TAX1BP1: variants seen among roughly 807,000 people sequenced by gnomAD.
The protein encoded by TAX1BP1 is tax1-binding protein 1.
TAX1BP1 carries 62 observed loss-of-function variants against 97.7 expected under a neutral mutation model. That is an observed-to-expected ratio of 0.63 (90% CI 0.52 to 0.78). The LOEUF (loss-of-function observed/expected upper bound fraction) is 0.78, where lower values mean the gene tolerates loss of function less well. TAX1BP1 is among the 30% of genes least tolerant of loss of function. The pLI is 0.00. For missense variants in TAX1BP1, 867 were observed against 916.1 expected (o/e 0.95, Z 0.69); for synonymous variants, 340 against 304.2 (o/e 1.12, Z -1.23).
rs901955228 is a variant in TAX1BP1 at position 27,829,315 on chromosome 7, A to G, written c.*486A>G. ...AAAGTTCTATAATTTAGCCCATGAA[A>G]TGATAGGTTTTTAATTTTCAGAAAT... On this transcript the variant is annotated 3_prime_UTR_variant, in exon 17 of 17. Coordinates refer to ENST00000396319, the MANE Select transcript of TAX1BP1 (RefSeq NM_006024.7). 3 of 152,336 alleles carry G rather than the reference A, an allele frequency of 2.0e-5. No individual in the cohort carries two copies. Among genetic ancestry groups the G allele is most frequent in the African/African-American group, 7.2e-5 (3 of 41,474 alleles). 9.4% of individuals were successfully genotyped at this position (152,336 alleles called of 1,614,324 possible). A position where few individuals can be genotyped will look rare whatever the true frequency, so the allele number is the denominator to read the frequency against.
intron 15 of TAX1BP1, among the ~76,000 whole-genome samples, chr7:27,822,157 A>G (rs1583411107): frequency 6.6e-6 from 1 of 152,208 alleles, no homozygotes; most frequent in Non-Finnish European, 1.5e-5. Context: ...GTAATGAAGT[A>G]TTACAAAATC....
chr7:27,809,831 C>A (rs1790482907), intron 13 of TAX1BP1, among the ~76,000 whole-genome samples: 1 of 152,084 alleles, frequency 6.6e-6, no homozygotes, highest in Non-Finnish European at 1.5e-5. Flanking sequence ...TATTTGCTTA[C>A]AGAAGAATTT....
At chr7:27,783,645 A>G (rs1021375226) in intron 5 of TAX1BP1, among the ~76,000 whole-genome samples, 3 of 152,210 alleles carry the variant, frequency 2.0e-5, no homozygotes, top group African/African-American at 7.2e-5. Context: ...AGAATGCTGT[A>G]TACCCGTTAT....
intron 14 of TAX1BP1, 146 bp downstream of exon 14, chr7:27,816,666 C>T: frequency 1.1e-6 from 1 of 873,954 alleles, no homozygotes; most frequent in Non-Finnish European, 1.7e-6. Flanking sequence ...TAATATTTAA[C>T]ACTGTAACTG....
At chr7:27,803,055 C>G (rs936736318) in intron 13 of TAX1BP1, 2 of 1,497,296 alleles carry the variant, frequency 1.3e-6, no homozygotes, top group African/African-American at 1.4e-5. Flanking sequence ...CTCAAAGTTG[C>G]AAGGAGGGAG....
Position 27,748,694 on chromosome 7 carries a change from A to C in TAX1BP1, c.162+8A>C, listed in dbSNP as rs775589903. The C allele has an allele frequency of 7.9e-6, 12 of 1,509,562 alleles. No homozygotes were observed. Among genetic ancestry groups the C allele is most frequent in the Non-Finnish European group, 1.1e-5 (12 of 1,121,090 alleles). The allele number at this position is 1,509,562 out of a possible 1,614,324, so 93.5% of individuals were successfully genotyped here. On this transcript the variant is annotated splice_region_variant and intron_variant, in intron 2 of 16. Coordinates refer to ENST00000396319, the MANE Select transcript of TAX1BP1 (RefSeq NM_006024.7). ...TGGGTTGGTATATTCAAGGTAAGAA[A>C]GCTTTCTGAATATGTTCTCCATGTA... is the stretch of plus-strand genomic sequence containing the variant.
chr7:27,781,118 C>CT (rs1789236824), intron 5 of TAX1BP1, among the ~76,000 whole-genome samples: 1 of 152,138 alleles, frequency 6.6e-6, no homozygotes, highest in Admixed American at 6.5e-5. Flanking sequence ...GCCTGTCTCT[C>CT]TTCCCCCTCC....
chr7:27,780,266 C>T (rs1789201685), intron 5 of TAX1BP1, among the ~76,000 whole-genome samples: 1 of 152,162 alleles, frequency 6.6e-6, no homozygotes. Context: ...ACCAAAATTT[C>T]AGTACCTCAA....
At chr7:27,751,338 C>A (rs1209126705) in intron 2 of TAX1BP1, among the ~76,000 whole-genome samples, 5 of 152,220 alleles carry the variant, frequency 3.3e-5, no homozygotes, top group South Asian at 4.1e-4. Flanking sequence ...AACACTTTTA[C>A]CTACTGTTAA....
chr7:27,748,783 T>G (rs568172152), intron 2 of TAX1BP1, 97 bp downstream of exon 2: 1 of 909,166 alleles, frequency 1.1e-6, no homozygotes, highest in East Asian at 3.1e-5. Context: ...AACTCTGCAT[T>G]AAGACTCATT....
intron 1 of TAX1BP1, 107 bp from the exon 2 acceptor site, chr7:27,748,411 T>G (rs894328684): frequency 2.1e-5 from 15 of 714,008 alleles, no homozygotes; most frequent in Non-Finnish European, 3.0e-5. Context: ...TTCTTAATTA[T>G]GACATGCAAA....
chr7:27,802,462 A>G (rs1473981135), intron 13 of TAX1BP1, among the ~76,000 whole-genome samples: 1 of 152,174 alleles, frequency 6.6e-6, no homozygotes, highest in Non-Finnish European at 1.5e-5. Context: ...TTTTATTTGT[A>G]TTTGTATCCA....
In TAX1BP1 at chr7:27,758,305, A is replaced by C. The variant is rs577517485; in HGVS notation, c.265+172A>C. 1.7e-5 allele frequency: 7 copies of C among 411,750 alleles called. No individual in the cohort carries two copies. In the East Asian group the frequency reaches 2.5e-4, roughly 15 times the overall value. 25.5% of individuals were successfully genotyped at this position (411,750 alleles called of 1,614,324 possible). A position where few individuals can be genotyped will look rare whatever the true frequency, so the allele number is the denominator to read the frequency against. The stretch of plus-strand genomic sequence containing the variant: ...AATGTAACTGTCTGGTGTAGGCCAC[A>C]TGATATTTTATGTAGACATTTAAAA... On this transcript the variant is annotated intron_variant, in intron 3 of 16. Transcript: ENST00000396319.
chr7:27,742,118 G>A (rs1261129877), intron 1 of TAX1BP1, among the ~76,000 whole-genome samples: 1 of 152,312 alleles, frequency 6.6e-6, no homozygotes, highest in Non-Finnish European at 1.5e-5. Flanking sequence ...CCAGGGACGG[G>A]CAGGAGACAG....
chr7:27,773,777 T>C (rs1788931242), intron 5 of TAX1BP1, among the ~76,000 whole-genome samples: 2 of 152,068 alleles, frequency 1.3e-5, no homozygotes, highest in South Asian at 4.1e-4. Context: ...TAGATACGTA[T>C]TGGAAATTGA....
intron 5 of TAX1BP1, among the ~76,000 whole-genome samples, chr7:27,777,666 C>G (rs1202474622): frequency 5.9e-5 from 9 of 152,196 alleles, no homozygotes. Context: ...CTCTGGTACT[C>G]TCTCCTGAAA....
intron 12 of TAX1BP1, among the ~76,000 whole-genome samples, chr7:27,797,362 T>G (rs2128319407): frequency 6.6e-6 from 1 of 152,262 alleles, no homozygotes; most frequent in East Asian, 1.9e-4. Flanking sequence ...GGTGTAGTAT[T>G]CAGTACTGGA....
intron 15 of TAX1BP1, among the ~76,000 whole-genome samples, chr7:27,822,356 A>G (rs1441775793): frequency 6.6e-6 from 1 of 152,200 alleles, no homozygotes; most frequent in East Asian, 1.9e-4. Context: ...TTACTAGGTC[A>G]GTTCCACTAG....
At chr7:27,760,894 T>G (rs1788402086) in intron 3 of TAX1BP1, among the ~76,000 whole-genome samples, 1 of 152,206 alleles carries the variant, frequency 6.6e-6, no homozygotes, top group African/African-American at 2.4e-5. Context: ...CACCTCCAGA[T>G]GTTGTGATTT....
Sources: gnomAD v4.1 joint callset for allele counts (sites outside exome capture counted in the v4.1 genomes callset) on GRCh38, gnomAD v4.1.1 for gene constraint, MANE v1.5 for transcripts, NCBI Gene and HGNC (gene_info 2026-07-23, HGNC 2026-07-21) for gene names.